The following RASGEF1B variants were observed in gnomAD, a reference collection of about 807,000 sequenced individuals.
The protein encoded by RASGEF1B is RasGEF domain family member 1B.
A neutral mutation model predicts 65.7 loss-of-function variants in RASGEF1B; 30 were observed. The observed-to-expected ratio is 0.46, with a 90% CI of 0.34 to 0.62. The LOEUF is 0.62. Among genes scored for constraint, RASGEF1B ranks in the 20% least tolerant of loss-of-function variants. RASGEF1B has a pLI of 0.01. For missense variants in RASGEF1B, 495 were observed against 580.1 expected, an observed-to-expected ratio of 0.85 and a Z score of 1.51; for synonymous variants, 175 against 194.8, an observed-to-expected ratio of 0.90 and a Z score of 0.85.
intron 1 of RASGEF1B, among the ~76,000 whole-genome samples, 159 bp from the exon 2 acceptor site, chr4:81,459,673 A>G (rs1223900561): frequency 6.6e-6 from 1 of 152,248 alleles, no homozygotes; most frequent in Non-Finnish European, 1.5e-5. Flanking sequence ...ATCAGGAACC[A>G]AATTGCTCTC....
At chr4:81,464,965 T>G (rs1722758597) in intron 1 of RASGEF1B, among the ~76,000 whole-genome samples, 1 of 151,784 alleles carries the variant, frequency 6.6e-6, no homozygotes, top group African/African-American at 2.4e-5. Context: ...ATGGCTGTAA[T>G]CCCAGCTACT....
intron 1 of RASGEF1B, among the ~76,000 whole-genome samples, chr4:81,466,817 A>AGAAAGAAAGAAAGAAAGAAG (rs1553947168): frequency 6.7e-6 from 1 of 149,606 alleles, no homozygotes; most frequent in Non-Finnish European, 1.5e-5. Flanking sequence ...AAAGAAAGAA[A>AGAAAGAAAGAAAGAAAGAAG]GAAAGAAAAT....
chr4:81,434,070 G>A, intron 11 of RASGEF1B, 107 bp from the exon 12 acceptor site: 2 of 1,001,418 alleles, frequency 2.0e-6, no homozygotes, highest in Non-Finnish European at 3.0e-6. Context: ...TTATTAAGGA[G>A]ACAGGGTTTC....
chr4:81,456,438 A>G (rs1443924863), intron 4 of RASGEF1B: 1 of 661,724 alleles, frequency 1.5e-6, no homozygotes, highest in East Asian at 2.7e-5. Flanking sequence ...CCCCAAATTA[A>G]TCACATAAAA....
At chr4:81,466,526 G>T (rs751098909) in intron 1 of RASGEF1B, among the ~76,000 whole-genome samples, 1 of 152,026 alleles carries the variant, frequency 6.6e-6, no homozygotes, top group Non-Finnish European at 1.5e-5. Flanking sequence ...TTGGGAGGCT[G>T]AGGTGGGCAG....
intron 1 of RASGEF1B, among the ~76,000 whole-genome samples, chr4:81,463,317 T>C (rs1316600037): frequency 6.6e-6 from 1 of 152,014 alleles, no homozygotes; most frequent in Non-Finnish European, 1.5e-5. Context: ...ATATGGACTT[T>C]AAAAAAAATT....
chr4:81,430,434 T>C (rs1449072951), intron 13 of RASGEF1B, among the ~76,000 whole-genome samples: 1 of 152,206 alleles, frequency 6.6e-6, no homozygotes, highest in Non-Finnish European at 1.5e-5. Flanking sequence ...GAGGGTCTAA[T>C]TGAGCCGGTT....
In RASGEF1B at chr4:81,433,842, T is replaced by A. The variant is rs1721516868; in HGVS notation, c.1322A>T (p.Asp441Val). The A allele has an allele frequency of 6.2e-7, 1 of 1,613,786 alleles. No homozygotes were observed. The highest frequency in any genetic ancestry group is 8.5e-7 in the Non-Finnish European group (1 of 1,179,934). Residue 441 changes from aspartate (D) to valine (V), a missense_variant and splice_region_variant, in exon 12 of 14, where the codon GAT (aspartate) becomes GTT (valine). Asp to Val is a radical substitution (Grantham distance 152, BLOSUM62 -3). Transcript: ENST00000264400. ...TAGCTCCTATTGAATGGCCTTACCA[T>A]CTTCACTGAAGACTGGTACTGTGAG... is the stretch of plus-strand genomic sequence containing the variant. ...YLLTVPVFSE[D>V]ALYLASYESE...
chr4:81,451,999 G>A (rs1423672242), intron 4 of RASGEF1B: 1 of 152,252 alleles, frequency 6.6e-6, no homozygotes, highest in Non-Finnish European at 1.5e-5. Context: ...TGATCGACTT[G>A]GTCTGCAGTG....
chr4:81,447,655 T>C lies in RASGEF1B; in HGVS notation c.655-77A>G, dbSNP rs192928862. On this transcript the variant is annotated intron_variant, in intron 5 of 13. Transcript: ENST00000264400. Reference sequence around the variant, plus strand: ...GGACTGTCAACTCCCTCTATGACTATTGGCACCACCCCCCATTTTTTAATG... The same window carrying C: ...GGACTGTCAACTCCCTCTATGACTACTGGCACCACCCCCCATTTTTTAATG... 33 of 1,012,382 alleles carry C rather than the reference T, an allele frequency of 3.3e-5. No homozygotes were observed. In the African/African-American group the frequency reaches 4.3e-4, roughly 13 times the overall value. The allele number at this position is 1,012,382 out of a possible 1,614,324, so 62.7% of individuals were successfully genotyped here. A position where few individuals can be genotyped will look rare whatever the true frequency, so the allele number is the denominator to read the frequency against.
At position 81,426,528 on chromosome 4, in the gene RASGEF1B, T is replaced by C. The variant is rs571252474; in HGVS notation, c.*1240A>G. 1 of 152,352 alleles carries C rather than the reference T, an allele frequency of 6.6e-6. No homozygotes were observed. Among genetic ancestry groups the C allele is most frequent in the South Asian group, 2.1e-4 (1 of 4,832 alleles). 9.4% of individuals were successfully genotyped at this position (152,352 alleles called of 1,614,324 possible). A position where few individuals can be genotyped will look rare whatever the true frequency, so the allele number is the denominator to read the frequency against. On this transcript the variant is annotated 3_prime_UTR_variant, in exon 14 of 14. Coordinates refer to ENST00000264400, the MANE Select transcript of RASGEF1B (RefSeq NM_152545.3). ...CCATGTCATTAAGTTTTCAAATACA[T>C]CTGTTTTGAACATGGTATTTTGTTT...
chr4:81,450,111 G>A (rs1329173897), intron 4 of RASGEF1B, among the ~76,000 whole-genome samples: 1 of 152,182 alleles, frequency 6.6e-6, no homozygotes, highest in Non-Finnish European at 1.5e-5. Flanking sequence ...TGTCACTCAA[G>A]GGAAATGTCT....
intron 10 of RASGEF1B, 33 bp from the exon 11 acceptor site, chr4:81,434,767 G>A (rs1000646290): frequency 9.1e-7 from 1 of 1,094,300 alleles, no homozygotes; most frequent in Admixed American, 1.8e-5. Context: ...GTTGGTCTGG[G>A]CAAACAAATA....
intron 11 of RASGEF1B, 107 bp from the exon 12 acceptor site, chr4:81,434,070 G>T: frequency 1.0e-6 from 1 of 1,001,418 alleles, no homozygotes; most frequent in Non-Finnish European, 1.5e-6. Context: ...TTATTAAGGA[G>T]ACAGGGTTTC....
chr4:81,456,478 G>A, intron 4 of RASGEF1B, 173 bp downstream of exon 4: 2 of 746,588 alleles, frequency 2.7e-6, no homozygotes, highest in South Asian at 1.4e-5. Context: ...GAAGTGGGAT[G>A]GTATAATCAT....
chr4:81,456,394 C>T lies in RASGEF1B; in HGVS notation c.438+257G>A. 8.2e-6 allele frequency: 5 copies of T among 612,636 alleles called. No homozygotes were observed. In the South Asian group the frequency reaches 9.6e-5, roughly 12 times the overall value. The allele number at this position is 612,636 out of a possible 1,614,324, so 38.0% of individuals were successfully genotyped here. Reference sequence around the variant, plus strand: ...AAGTAAAATTAAAACATACTTGCAACATAAATCCTGTGCATGAGTTGACAT... The same window carrying T: ...AAGTAAAATTAAAACATACTTGCAATATAAATCCTGTGCATGAGTTGACAT... On this transcript the variant is annotated intron_variant, in intron 4 of 13. Transcript: ENST00000264400.
chr4:81,427,908 C>A, intron 13 of RASGEF1B, 116 bp from the exon 14 acceptor site: 12 of 1,056,122 alleles, frequency 1.1e-5, no homozygotes, highest in Middle Eastern at 2.1e-4. Flanking sequence ...TTTGATTTTA[C>A]AAAGTTAAAC....
intron 6 of RASGEF1B, 25 bp from the exon 7 acceptor site, chr4:81,445,863 A>G (rs1722005050): frequency 1.3e-6 from 2 of 1,570,274 alleles, no homozygotes; most frequent in Non-Finnish European, 1.8e-6. Flanking sequence ...AAGTAAACAG[A>G]TGAGTTAGAG....
At position 81,429,862 on chromosome 4, in the gene RASGEF1B, C is replaced by T. The variant is rs189858468; in HGVS notation, c.1398-2070G>A. 3.5e-4 allele frequency among the ~76,000 whole-genome samples: 54 copies of T among 152,170 alleles called. 1 individual carries two copies. The highest frequency in any genetic ancestry group is 3.2e-3 in the Admixed American group (49 of 15,276). Reference sequence around the variant, plus strand: ...GGAGCACGCTGGCAGATGGGCACACCGACATACGCCAGCACACTGGCAGGC... The same window carrying T: ...GGAGCACGCTGGCAGATGGGCACACTGACATACGCCAGCACACTGGCAGGC... On this transcript the variant is annotated intron_variant, in intron 13 of 13. Coordinates refer to ENST00000264400, the MANE Select transcript of RASGEF1B (RefSeq NM_152545.3).
Sources: gnomAD v4.1 joint callset for allele counts (sites outside exome capture counted in the v4.1 genomes callset) on GRCh38, gnomAD v4.1.1 for gene constraint, MANE v1.5 for transcripts, NCBI Gene and HGNC (gene_info 2026-07-23, HGNC 2026-07-21) for gene names.